Variants in ESRRG observed in about 807,000 individuals in gnomAD.
ESRRG encodes the protein estrogen related receptor gamma.
ESRRG carries 13 observed loss-of-function variants against 44.0 expected under a neutral mutation model. The observed-to-expected ratio is 0.30, with a 90% CI of 0.19 to 0.47. The LOEUF is 0.47. Among genes scored for constraint, ESRRG ranks in the 20% least tolerant of loss-of-function variants. ESRRG has a pLI of 1.00. For synonymous variants in ESRRG, 215 were observed against 214.6 expected, an observed-to-expected ratio of 1.00 and a Z score of -0.02; for missense variants, 395 against 580.6, an observed-to-expected ratio of 0.68 and a Z score of 3.29.
chr1:216,573,960 A>G (rs756882420), intron 3 of ESRRG, among the ~76,000 whole-genome samples: 1 of 152,070 alleles, frequency 6.6e-6, no homozygotes, highest in African/African-American at 2.4e-5. Flanking sequence ...AACATAATCC[A>G]AATATTTCTA....
At chr1:216,874,024 G>T (rs953471755) in intron 2 of ESRRG, among the ~76,000 whole-genome samples, 16 of 127,776 alleles carry the variant, frequency 1.3e-4, no homozygotes, top group African/African-American at 4.6e-4. Flanking sequence ...GGGAGGGAGG[G>T]AGTGGGGAGG....
chr1:217,057,218 CATCTACCAT>C (rs2087306846), intron 1 of ESRRG, among the ~76,000 whole-genome samples: 1 of 152,142 alleles, frequency 6.6e-6, no homozygotes, highest in South Asian at 2.1e-4. Flanking sequence ...TCTCAGGAAG[CATCTACCAT>C]ATCTACCATA....
chr1:217,077,514 A>G (rs545632810), intron 1 of ESRRG, among the ~76,000 whole-genome samples: 1 of 152,288 alleles, frequency 6.6e-6, no homozygotes, highest in South Asian at 2.1e-4. Context: ...ACTTTCCAAA[A>G]TTCTGTGAGC....
At chr1:216,810,096 T>C (rs973434721) in intron 2 of ESRRG, among the ~76,000 whole-genome samples, 1 of 152,076 alleles carries the variant, frequency 6.6e-6, no homozygotes, top group African/African-American at 2.4e-5. Context: ...TAGGAGCTCT[T>C]AGAATCTTTT....
chr1:216,805,484 T>C (rs2094759594), intron 2 of ESRRG: 1 of 152,200 alleles, frequency 6.6e-6, no homozygotes, highest in Non-Finnish European at 1.5e-5. Flanking sequence ...CACGATACCA[T>C]GAACCTATGT....
At chr1:216,923,173 C>A (rs2149733674) in intron 2 of ESRRG, among the ~76,000 whole-genome samples, 1 of 152,316 alleles carries the variant, frequency 6.6e-6, no homozygotes, top group African/African-American at 2.4e-5. Context: ...TAGCCCCCTG[C>A]TTATGTCCTA....
intron 2 of ESRRG, among the ~76,000 whole-genome samples, chr1:216,783,459 T>A (rs151238019): frequency 7.2e-5 from 11 of 152,262 alleles, no homozygotes; most frequent in Admixed American, 2.0e-4. Flanking sequence ...TTATCTTTAA[T>A]CTTTAATTAA....
chr1:217,086,566 T>C (rs1376859144), intron 1 of ESRRG, among the ~76,000 whole-genome samples: 7 of 152,124 alleles, frequency 4.6e-5, no homozygotes, highest in Admixed American at 2.0e-4. Flanking sequence ...CTTAATAGAG[T>C]AGTAAGCTTA....
At chr1:216,723,611 A>T (rs188411522), upstream of ESRRG, 61 of 374,208 alleles carry the variant, frequency 1.6e-4, no homozygotes, top group African/African-American at 1.2e-3. Context: ...GGCAGGGTGC[A>T]GAGAGCCGAA....
At chr1:216,603,489 C>T (rs988402596) in intron 3 of ESRRG, among the ~76,000 whole-genome samples, 1 of 152,086 alleles carries the variant, frequency 6.6e-6, no homozygotes, top group Admixed American at 6.5e-5. Context: ...TGCTAAAGAC[C>T]CTGTGAATAT....
chr1:216,986,624 G>A (rs536497067), intron 1 of ESRRG, among the ~76,000 whole-genome samples: 2 of 151,684 alleles, frequency 1.3e-5, no homozygotes, highest in East Asian at 3.9e-4. Flanking sequence ...CTACTCGGGA[G>A]GCTGAGGCTG....
At chr1:217,102,546 C>A (rs186619609) in intron 1 of ESRRG, among the ~76,000 whole-genome samples, 4 of 152,212 alleles carry the variant, frequency 2.6e-5, no homozygotes, top group Non-Finnish European at 4.4e-5. Context: ...AATTACCCTC[C>A]CACGTCTTCT....
chr1:216,916,837 T>G (rs1281977271), intron 2 of ESRRG, among the ~76,000 whole-genome samples: 2 of 9,410 alleles, frequency 2.1e-4, no homozygotes, highest in Admixed American at 1.9e-3. Flanking sequence ...CTTTGGTCTT[T>G]TTTTTTTTTT....
At chr1:216,826,707 T>A (rs1576986853) in intron 2 of ESRRG, among the ~76,000 whole-genome samples, 1 of 152,300 alleles carries the variant, frequency 6.6e-6, no homozygotes, top group East Asian at 1.9e-4. Flanking sequence ...TCCAAAAGTC[T>A]TTGTCTTAAT....
chr1:216,600,646 A>G (rs1220283270), intron 3 of ESRRG, among the ~76,000 whole-genome samples: 1 of 152,246 alleles, frequency 6.6e-6, no homozygotes, highest in African/African-American at 2.4e-5. Context: ...CCCATTAGTT[A>G]TTTTAAAAAT....
intron 1 of ESRRG, among the ~76,000 whole-genome samples, chr1:217,023,021 C>T (rs2080606064): frequency 6.6e-6 from 1 of 152,026 alleles, no homozygotes; most frequent in Non-Finnish European, 1.5e-5. Context: ...AGTGTAGAGG[C>T]ACAGAAAATA....
chr1:216,538,258 T>C (rs1374891095), intron 5 of ESRRG, among the ~76,000 whole-genome samples: 1 of 151,168 alleles, frequency 6.6e-6, no homozygotes, highest in Admixed American at 6.6e-5. Context: ...ATTAAAAATT[T>C]TGTGTGTGTG....
chr1:216,951,804 G>A (rs11117736), intron 1 of ESRRG, among the ~76,000 whole-genome samples: 102,655 of 150,276 alleles, frequency 0.68, 37,304 homozygotes, highest in Middle Eastern at 0.83. Flanking sequence ...TTAAATAATT[G>A]TTACAGAATT....
intron 2 of ESRRG, among the ~76,000 whole-genome samples, chr1:216,925,096 G>A (rs10863280): frequency 0.33 from 50,781 of 151,962 alleles, 8,651 homozygotes; most frequent in Middle Eastern, 0.43. Context: ...GGAGACAAAG[G>A]TTTGGGGACT....
Sources: gnomAD v4.1 joint callset for allele counts (sites outside exome capture counted in the v4.1 genomes callset) on GRCh38, gnomAD v4.1.1 for gene constraint, MANE v1.5 for transcripts, NCBI Gene and HGNC (gene_info 2026-07-23, HGNC 2026-07-21) for gene names.